The following PTCHD4 variants were observed in gnomAD, a reference collection of about 807,000 sequenced individuals.
PTCHD4 encodes the protein patched domain-containing protein 4.
A neutral mutation model predicts 58.1 loss-of-function variants in PTCHD4; 33 were observed. That is an observed-to-expected ratio of 0.57 (90% CI 0.43 to 0.76). PTCHD4 has a LOEUF of 0.76. Ranked by LOEUF, PTCHD4 falls within the 30% of genes least tolerant of loss-of-function variation. The pLI, the probability that PTCHD4 is intolerant of heterozygous loss-of-function variation, is 0.00. For missense variants in PTCHD4, 1,058 were observed against 1,027.1 expected (o/e 1.03, Z -0.41); for synonymous variants, 478 against 409.6 (o/e 1.17, Z -2.02).
chr6:47,970,648 G>C (rs965475357), intron 4 of PTCHD4, among the ~76,000 whole-genome samples: 1 of 152,136 alleles, frequency 6.6e-6, no homozygotes, highest in African/African-American at 2.4e-5. Flanking sequence ...TAAAACTGAA[G>C]GTTTTAGAGG....
chr6:47,885,230 G>A (rs1263612589), intron 4 of PTCHD4, among the ~76,000 whole-genome samples: 1 of 152,142 alleles, frequency 6.6e-6, no homozygotes, highest in Non-Finnish European at 1.5e-5. Flanking sequence ...GAAAAACTGG[G>A]AGAAAAATTC....
chr6:47,957,297 G>A (rs1766901960), intron 4 of PTCHD4, among the ~76,000 whole-genome samples: 1 of 148,004 alleles, frequency 6.8e-6, no homozygotes, highest in African/African-American at 2.5e-5. Context: ...ATTCAAGAAA[G>A]ATTGTACAGA....
intron 4 of PTCHD4, among the ~76,000 whole-genome samples, chr6:47,963,533 C>T (rs1348921727): frequency 6.6e-6 from 1 of 152,132 alleles, no homozygotes; most frequent in African/African-American, 2.4e-5. Context: ...TATCTGCACT[C>T]CCATGTTCAT....
chr6:48,110,537 TAA>T (rs1264476564), intron 1 of PTCHD4, among the ~76,000 whole-genome samples: 5 of 151,662 alleles, frequency 3.3e-5, no homozygotes, highest in African/African-American at 1.2e-4. Flanking sequence ...ATAGGATGAA[TAA>T]GTCTAGAGAT....
chr6:47,934,070 C>T (rs771409234), intron 4 of PTCHD4, among the ~76,000 whole-genome samples: 1 of 152,072 alleles, frequency 6.6e-6, no homozygotes, highest in Non-Finnish European at 1.5e-5. Context: ...CACCAAATTC[C>T]TCATGAAACT....
intron 4 of PTCHD4, among the ~76,000 whole-genome samples, chr6:47,951,302 G>T (rs1005265043): frequency 1.3e-5 from 2 of 152,136 alleles, no homozygotes; most frequent in African/African-American, 4.8e-5. Flanking sequence ...AGCCCAAAGG[G>T]GCATTGGGAG....
chr6:47,901,725 A>G (rs1280154839), intron 4 of PTCHD4: 3 of 1,184,834 alleles, frequency 2.5e-6, no homozygotes, highest in Non-Finnish European at 3.2e-6. Context: ...TTCTTAGACT[A>G]GAATGAACTC....
In PTCHD4 at chr6:47,879,333, T is replaced by C. The variant is rs1352537310; in HGVS notation, c.1502A>G (p.Tyr501Cys). 1.2e-5 allele frequency: 19 copies of C among 1,613,258 alleles called. No individual in the cohort carries two copies. Among genetic ancestry groups the C allele is most frequent in the Non-Finnish European group, 1.5e-5 (18 of 1,179,602 alleles). Residue 501 changes from tyrosine (Y) to cysteine (C), a missense_variant, in exon 5 of 5, where the codon TAT becomes TGT. Physicochemically the swap from Tyr to Cys is radical, Grantham distance 194 (BLOSUM62 -2). Coordinates refer to ENST00000339488, the MANE Select transcript of PTCHD4 (RefSeq NM_001384253.1). ...LLASDSPSVS[Y>C]AMVQQKYFSN... ...GAAATATTTCTGCTGAACCATGGCA[T>C]AGGAAACACTTGGCGAATCACTGGC...
In PTCHD4 at chr6:48,081,360, A is replaced by ATT. The variant is rs564384150; in HGVS notation, c.-969-11435_-969-11434insAA. On this transcript the variant is annotated intron_variant, in intron 1 of 4. Coordinates refer to ENST00000339488, the MANE Select transcript of PTCHD4 (RefSeq NM_001384253.1). ...GAATAATGGCAATACAGCATGGTAG[A>ATT]TATATAGACTCTGGATACAAACAAA... is the stretch of plus-strand genomic sequence containing the variant. 2.6e-3 allele frequency among the ~76,000 whole-genome samples: 389 copies of ATT among 152,286 alleles called. 4 individuals carry two copies. Among genetic ancestry groups the ATT allele is most frequent in the East Asian group, 9.6e-3 (50 of 5,184 alleles).
intron 1 of PTCHD4, among the ~76,000 whole-genome samples, chr6:48,082,468 CCACA>C (rs938379417): frequency 6.6e-6 from 1 of 151,718 alleles, no homozygotes; most frequent in Non-Finnish European, 1.5e-5. Flanking sequence ...ACAGATGAAA[CCACA>C]CACACACACA....
intron 3 of PTCHD4, among the ~76,000 whole-genome samples, chr6:48,010,250 C>A (rs1286746131): frequency 1.3e-5 from 2 of 152,028 alleles, no homozygotes; most frequent in African/African-American, 4.8e-5. Flanking sequence ...ACTGAACCTG[C>A]CAAGATGTTT....
At chr6:47,973,029 G>A (rs181528938) in intron 4 of PTCHD4, among the ~76,000 whole-genome samples, 65 of 151,738 alleles carry the variant, frequency 4.3e-4, no homozygotes, top group East Asian at 3.5e-3. Context: ...CATGTTCCTC[G>A]TTTCCTCATT....
Position 47,878,342 on chromosome 6 carries a change from T to G in PTCHD4, c.2493A>C (p.Ile831=). Residue 831 remains isoleucine (I), a synonymous_variant, in exon 5 of 5, where the codon ATA becomes ATC. Transcript: ENST00000339488. ...KRKEREEIEC[I]EIQENPDHVT... ...CGTGATCCGGGTTCTCTTGAATTTC[T>G]ATGCATTCAATTTCCTCTCTCTCCT... The G allele has an allele frequency of 6.2e-7, 1 of 1,608,088 alleles. No homozygotes were observed. Among genetic ancestry groups the G allele is most frequent in the Non-Finnish European group, 8.5e-7 (1 of 1,177,200 alleles).
At chr6:47,936,053 T>C (rs1765989035) in intron 4 of PTCHD4, among the ~76,000 whole-genome samples, 1 of 152,130 alleles carries the variant, frequency 6.6e-6, no homozygotes, top group South Asian at 2.1e-4. Flanking sequence ...GGAGAGCTTG[T>C]GAATCTTTGG....
chr6:48,037,513 G>C (rs1284879550), intron 3 of PTCHD4, among the ~76,000 whole-genome samples: 1 of 152,146 alleles, frequency 6.6e-6, no homozygotes, highest in Non-Finnish European at 1.5e-5. Flanking sequence ...GCACAGATTT[G>C]TGTCTTTCCT....
chr6:47,886,106 C>T (rs1488928400), intron 4 of PTCHD4, among the ~76,000 whole-genome samples: 4 of 142,362 alleles, frequency 2.8e-5, no homozygotes, highest in South Asian at 2.3e-4. Flanking sequence ...GCGCGAGCCA[C>T]GGCGATGGCA....
intron 4 of PTCHD4, among the ~76,000 whole-genome samples, chr6:47,997,231 A>T (rs1385492561): frequency 6.6e-6 from 1 of 151,968 alleles, no homozygotes; most frequent in African/African-American, 2.4e-5. Flanking sequence ...TGAGCCAGTT[A>T]ACCTCCTTCC....
intron 3 of PTCHD4, among the ~76,000 whole-genome samples, chr6:48,055,305 A>G (rs1393442420): frequency 6.6e-6 from 1 of 152,246 alleles, no homozygotes; most frequent in African/African-American, 2.4e-5. Flanking sequence ...TTATAGTTAA[A>G]GATGGGAAAT....
At position 48,077,837 on chromosome 6, in the gene PTCHD4, T is replaced by C. The variant is rs577346491; in HGVS notation, c.-969-7911A>G. Among the ~76,000 whole-genome samples, 225 of 152,306 alleles carry C rather than the reference T, an allele frequency of 1.5e-3. 1 individual carries two copies. Among genetic ancestry groups the C allele is most frequent in the Non-Finnish European group, 2.5e-3 (173 of 68,030 alleles). ...ACACAGTAATTTAAGTTTGCAATCT[T>C]GTATGGGTGCAGTTTAAGGCACCCC... On this transcript the variant is annotated intron_variant, in intron 1 of 4. Transcript: ENST00000339488.
Sources: gnomAD v4.1 joint callset for allele counts (sites outside exome capture counted in the v4.1 genomes callset) on GRCh38, gnomAD v4.1.1 for gene constraint, MANE v1.5 for transcripts, NCBI Gene and HGNC (gene_info 2026-07-23, HGNC 2026-07-21) for gene names.